Variants in ALCAM observed in about 807,000 individuals in gnomAD.
ALCAM encodes activated leukocyte cell adhesion molecule, also known as CD166 antigen.
ALCAM carries 30 observed loss-of-function variants against 70.9 expected under a neutral mutation model. The ratio of observed to expected loss-of-function variants is 0.42; its 90% CI spans 0.32 to 0.57. The LOEUF (loss-of-function observed/expected upper bound fraction) is 0.57, where lower values mean the gene tolerates loss of function less well. Among genes scored for constraint, ALCAM ranks in the 20% least tolerant of loss-of-function variants. ALCAM has a pLI of 0.11. For missense variants in ALCAM, 591 were observed against 695.1 expected (o/e 0.85, Z 1.68); for synonymous variants, 249 against 242.5 (o/e 1.03, Z -0.25).
intron 1 of ALCAM, among the ~76,000 whole-genome samples, chr3:105,478,299 G>T (rs77492811): frequency 0.012 from 1,786 of 152,184 alleles, 27 homozygotes; most frequent in African/African-American, 0.039. Context: ...ATCTTCTACA[G>T]GCTTCTTGGA....
intron 1 of ALCAM, among the ~76,000 whole-genome samples, chr3:105,430,950 A>G (rs978629480): frequency 5.3e-5 from 8 of 152,124 alleles, no homozygotes; most frequent in African/African-American, 1.7e-4. Flanking sequence ...TTCAGACATT[A>G]TCTTTTGAAC....
intron 8 of ALCAM, among the ~76,000 whole-genome samples, chr3:105,543,623 G>A (rs553737615): frequency 2.0e-5 from 3 of 151,690 alleles, no homozygotes; most frequent in African/African-American, 7.2e-5. Flanking sequence ...AAGTCTCACA[G>A]CCTACAAATT....
intron 14 of ALCAM, among the ~76,000 whole-genome samples, chr3:105,556,623 A>AAACAATGTTATGTTAACATTGTTAAAATT (rs1384206331): frequency 6.6e-6 from 1 of 152,014 alleles, no homozygotes; most frequent in Non-Finnish European, 1.5e-5. Context: ...AAACCTCAAT[A>AAACAATGTTATGTTAACATTGTTAAAATT]AACAATGTTA....
intron 14 of ALCAM, among the ~76,000 whole-genome samples, chr3:105,553,663 C>T (rs1406604246): frequency 6.6e-6 from 1 of 151,834 alleles, no homozygotes; most frequent in Non-Finnish European, 1.5e-5. Context: ...GGCAGAAGCT[C>T]TGAAATTTTG....
In ALCAM at chr3:105,566,514, T is replaced by C. The variant is rs530730127; in HGVS notation, c.1665-5338T>C. Among the ~76,000 whole-genome samples, 13 of 152,264 alleles carry C rather than the reference T, an allele frequency of 8.5e-5. No individual in the cohort carries two copies. In the South Asian group the frequency reaches 2.7e-3, roughly 32 times the overall value. ...CTATCTGTTTTCTAGGAATCTTCTGTCCTTCCATCCTGCCTTCTTTTGAAT... is the reference window on the plus strand; with the variant it reads ...CTATCTGTTTTCTAGGAATCTTCTGCCCTTCCATCCTGCCTTCTTTTGAAT... On this transcript the variant is annotated intron_variant, in intron 14 of 15. Coordinates refer to ENST00000306107, the MANE Select transcript of ALCAM (RefSeq NM_001627.4).
chr3:105,509,281 C>T (rs11720296), intron 1 of ALCAM, among the ~76,000 whole-genome samples: 73,563 of 151,606 alleles, frequency 0.49, 18,171 homozygotes, highest in Middle Eastern at 0.55. Context: ...TTTTGAGGAA[C>T]CTTCACACCG....
Position 105,547,154 on chromosome 3 carries a change from C to T in ALCAM, c.1110C>T (p.Asn370=). ...RNATVVWMKD[N]IRLRSSPSFS... ...TTTACTTTTTATTTAATCAGGATAACATCAGGCTTCGATCTAGCCCGTCAT... is the reference window on the plus strand; with the variant it reads ...TTTACTTTTTATTTAATCAGGATAATATCAGGCTTCGATCTAGCCCGTCAT... Residue 370 remains asparagine, a synonymous_variant, in exon 10 of 16, where the codon AAC becomes AAT. Transcript: ENST00000306107. 6.3e-7 allele frequency: 1 copy of T among 1,585,734 alleles called. No individual in the cohort carries two copies. Among genetic ancestry groups the T allele is most frequent in the Non-Finnish European group, 8.6e-7 (1 of 1,169,406 alleles).
intron 1 of ALCAM, among the ~76,000 whole-genome samples, chr3:105,379,236 G>A (rs1935452024): frequency 6.6e-6 from 1 of 151,908 alleles, no homozygotes; most frequent in Non-Finnish European, 1.5e-5. Context: ...ACATTTTTCA[G>A]TAACCTAATA....
chr3:105,543,877 A>G (rs1367621703), intron 8 of ALCAM, among the ~76,000 whole-genome samples: 1 of 151,674 alleles, frequency 6.6e-6, no homozygotes, highest in East Asian at 1.9e-4. Flanking sequence ...CATATTAATG[A>G]GAAATTGAGA....
In ALCAM at chr3:105,441,455, T is replaced by C. The variant is rs570654475; in HGVS notation, c.73+73974T>C. Among the ~76,000 whole-genome samples the C allele has an allele frequency of 7.2e-5, 11 of 152,316 alleles. No individual in the cohort carries two copies. The South Asian group carries it at 2.3e-3, about 32-fold the overall frequency. On this transcript the variant is annotated intron_variant, in intron 1 of 15. Transcript: ENST00000306107. ...ACCTTATTCATTATGTATAGCTCAT[T>C]AGTTCCCTTGTCAACTTTCCTTTGC... is the stretch of plus-strand genomic sequence containing the variant.
chr3:105,532,172 T>A, intron 4 of ALCAM, 106 bp downstream of exon 4: 1 of 943,768 alleles, frequency 1.1e-6, no homozygotes, highest in Non-Finnish European at 1.7e-6. Flanking sequence ...CTTGTGGAGA[T>A]GACAGTGTTG....
chr3:105,382,891 G>T (rs545077175), intron 1 of ALCAM, among the ~76,000 whole-genome samples: 2 of 151,636 alleles, frequency 1.3e-5, no homozygotes, highest in African/African-American at 4.8e-5. Flanking sequence ...CAAATACTTC[G>T]GACACTTCCC....
In ALCAM at chr3:105,550,232, A is replaced by G; in HGVS notation, c.1480A>G (p.Thr494Ala). 6.2e-7 allele frequency: 1 copy of G among 1,607,902 alleles called. No individual in the cohort carries two copies. The change falls in exon 12 of 16, where the codon ACA becomes GCA. Residue 494 changes from threonine (T) to alanine (A), a missense_variant. By Grantham distance (58) the Thr-to-Ala change is moderately conservative. This residue lies in a region of ALCAM where 164 missense variants were observed against 244.7 expected (regional missense o/e 0.67). Coordinates refer to ENST00000306107, the MANE Select transcript of ALCAM (RefSeq NM_001627.4). The part of the protein sequence containing the change: ...TCTAENQLER[T>A]VNSLNVSAIS... ...CACAGCAGAAAACCAACTGGAGAGA[A>G]CAGTAAACTCCTTGAATGTCTCTGC... is the stretch of plus-strand genomic sequence containing the variant.
intron 1 of ALCAM, among the ~76,000 whole-genome samples, chr3:105,460,996 T>A (rs751954218): frequency 1.8e-4 from 27 of 149,238 alleles, no homozygotes; most frequent in Non-Finnish European, 3.3e-4. Flanking sequence ...CAAGTAAATA[T>A]GGTGTGTGTG....
At chr3:105,414,121 G>A (rs777434380) in intron 1 of ALCAM, among the ~76,000 whole-genome samples, 24 of 151,926 alleles carry the variant, frequency 1.6e-4, no homozygotes, top group Admixed American at 5.3e-4. Flanking sequence ...ATAAATGGTC[G>A]AGTGCAGTGG....
intron 1 of ALCAM, among the ~76,000 whole-genome samples, chr3:105,405,544 A>C (rs1239511583): frequency 6.6e-6 from 1 of 152,180 alleles, no homozygotes; most frequent in Non-Finnish European, 1.5e-5. Context: ...TATACTTTAT[A>C]ACAAATGGAC....
chr3:105,441,893 A>G (rs370152994), intron 1 of ALCAM, among the ~76,000 whole-genome samples: 3 of 152,218 alleles, frequency 2.0e-5, no homozygotes, highest in Admixed American at 1.3e-4. Context: ...TCAAAGAGTT[A>G]CCCTGAGTGG....
chr3:105,379,227 C>T (rs1166355464), intron 1 of ALCAM, among the ~76,000 whole-genome samples: 1 of 151,988 alleles, frequency 6.6e-6, no homozygotes, highest in African/African-American at 2.4e-5. Context: ...TTATGAATCA[C>T]ATTTTTCAGT....
At chr3:105,550,623 G>A (rs1232327857) in intron 12 of ALCAM, among the ~76,000 whole-genome samples, 1 of 151,382 alleles carries the variant, frequency 6.6e-6, no homozygotes, top group Admixed American at 6.6e-5. Context: ...TTTTAAATTT[G>A]GTAAATTTGT....
Sources: gnomAD v4.1 joint callset for allele counts (sites outside exome capture counted in the v4.1 genomes callset) on GRCh38, gnomAD v4.1.1 for gene constraint, gnomAD v4.1.1 regional missense constraint, MANE v1.5 for transcripts, NCBI Gene and HGNC (gene_info 2026-07-23, HGNC 2026-07-21) for gene names.